Variants in CSMD1 observed in about 807,000 individuals in gnomAD.
CSMD1 encodes CUB and Sushi multiple domains 1.
Under a neutral mutation model 417.5 loss-of-function variants are expected in CSMD1, and 213 were observed. That is an observed-to-expected ratio of 0.51 (90% CI 0.46 to 0.57). CSMD1 has a LOEUF of 0.57. Ranked by LOEUF, CSMD1 falls within the 20% of genes least tolerant of loss-of-function variation. The probability of loss-of-function intolerance (pLI) is 0.00; values close to 1 mark genes in which losing one functional copy is unlikely to be tolerated. For missense variants in CSMD1, 6,923 were observed against 4,529.7 expected (o/e 1.53, Z -15.17); for synonymous variants, 2,862 against 1,736.8 (o/e 1.65, Z -16.11).
intron 28 of CSMD1, among the ~76,000 whole-genome samples, chr8:3,221,578 G>T (rs1199848056): frequency 1.3e-5 from 2 of 151,004 alleles, no homozygotes; most frequent in Non-Finnish European, 2.9e-5. Flanking sequence ...TATCCCATCT[G>T]CTCTCTTTTT....
At chr8:4,659,171 C>A (rs1804425744) in intron 1 of CSMD1, among the ~76,000 whole-genome samples, 1 of 151,786 alleles carries the variant, frequency 6.6e-6, no homozygotes, top group Non-Finnish European at 1.5e-5. Context: ...TTCCTGGAGA[C>A]AAATGAAAAC....
intron 56 of CSMD1, among the ~76,000 whole-genome samples, chr8:2,973,725 G>A (rs1186397427): frequency 6.6e-6 from 1 of 151,874 alleles, no homozygotes; most frequent in Non-Finnish European, 1.5e-5. Flanking sequence ...CAGAGTTGCT[G>A]GTTCGCTGAA....
intron 26 of CSMD1, among the ~76,000 whole-genome samples, chr8:3,230,981 G>C (rs140892399): frequency 5.9e-4 from 90 of 152,230 alleles, no homozygotes; most frequent in African/African-American, 2.0e-3. Flanking sequence ...TCAGTTTCTG[G>C]TAATCATGTG....
intron 3 of CSMD1, among the ~76,000 whole-genome samples, chr8:4,071,413 GT>G (rs1396937503): frequency 7.9e-5 from 12 of 151,874 alleles, no homozygotes; most frequent in African/African-American, 1.7e-4. Flanking sequence ...AAAAATTGTA[GT>G]TTAGATATTT....
intron 30 of CSMD1, among the ~76,000 whole-genome samples, 154 bp downstream of exon 30, chr8:3,214,343 A>G (rs1354681497): frequency 2.0e-5 from 3 of 152,228 alleles, no homozygotes; most frequent in Admixed American, 6.5e-5. Flanking sequence ...TAAATGATCA[A>G]TGAATGACTG....
chr8:4,436,465 C>G (rs575931897), intron 2 of CSMD1, among the ~76,000 whole-genome samples: 13 of 151,616 alleles, frequency 8.6e-5, no homozygotes, highest in Non-Finnish European at 1.8e-4. Context: ...TTCAGAAATG[C>G]AATGCATAAT....
intron 39 of CSMD1, among the ~76,000 whole-genome samples, chr8:3,156,197 CA>C (rs1353168122): frequency 6.6e-6 from 1 of 152,148 alleles, no homozygotes; most frequent in Non-Finnish European, 1.5e-5. Context: ...CCTAAAACAC[CA>C]TTTGGCAGTA....
chr8:4,693,646 T>G (rs754125145), intron 1 of CSMD1, among the ~76,000 whole-genome samples: 3 of 152,186 alleles, frequency 2.0e-5, no homozygotes, highest in African/African-American at 7.2e-5. Context: ...GGGTGATCTT[T>G]CATTTTAGTA....
At chr8:4,134,334 G>A (rs1164965335) in intron 3 of CSMD1, among the ~76,000 whole-genome samples, 1 of 152,130 alleles carries the variant, frequency 6.6e-6, no homozygotes, top group Admixed American at 6.5e-5. Context: ...CATCTTTAAG[G>A]TGGGTCCTCA....
intron 5 of CSMD1, among the ~76,000 whole-genome samples, chr8:3,925,112 A>G (rs1013906440): frequency 1.3e-5 from 2 of 152,168 alleles, no homozygotes; most frequent in African/African-American, 2.4e-5. Context: ...ACCAGTCAGT[A>G]AAGAGAGCCT....
At chr8:3,265,594 A>C (rs1420901493) in intron 26 of CSMD1, among the ~76,000 whole-genome samples, 1 of 152,172 alleles carries the variant, frequency 6.6e-6, no homozygotes, top group East Asian at 1.9e-4. Context: ...CAAAGAAATA[A>C]TCTGTCAGGA....
At chr8:4,049,077 T>C (rs1305614087) in intron 3 of CSMD1, among the ~76,000 whole-genome samples, 1 of 152,206 alleles carries the variant, frequency 6.6e-6, no homozygotes, top group Non-Finnish European at 1.5e-5. Context: ...TGGTTAGGAA[T>C]TGCCTCCATT....
intron 10 of CSMD1, among the ~76,000 whole-genome samples, chr8:3,552,334 T>A (rs1024715459): frequency 2.6e-5 from 4 of 152,200 alleles, no homozygotes; most frequent in African/African-American, 9.6e-5. Flanking sequence ...ATTCTCTTTT[T>A]TTTTGCATAT....
intron 1 of CSMD1, among the ~76,000 whole-genome samples, chr8:4,817,310 C>A (rs769222577): frequency 6.6e-6 from 1 of 152,128 alleles, no homozygotes; most frequent in East Asian, 1.9e-4. Context: ...ATTAAGGTGG[C>A]TATTATTTTC....
intron 7 of CSMD1, among the ~76,000 whole-genome samples, chr8:3,680,599 A>G (rs1187475272): frequency 6.6e-6 from 1 of 152,226 alleles, no homozygotes; most frequent in African/African-American, 2.4e-5. Context: ...GCCGATTTCT[A>G]TCAGACGTAC....
intron 1 of CSMD1, among the ~76,000 whole-genome samples, chr8:4,945,743 G>A (rs145736981): frequency 6.6e-6 from 1 of 152,072 alleles, no homozygotes; most frequent in South Asian, 2.1e-4. Context: ...ACAAGGAGGA[G>A]ATGATGCCAC....
chr8:3,419,894 G>A (rs1813380682), intron 12 of CSMD1, among the ~76,000 whole-genome samples: 1 of 152,144 alleles, frequency 6.6e-6, no homozygotes, highest in Non-Finnish European at 1.5e-5. Context: ...AATAGATCCT[G>A]TTTTAGATGG....
At chr8:3,102,297 G>C (rs570063461) in intron 46 of CSMD1, among the ~76,000 whole-genome samples, 2 of 152,292 alleles carry the variant, frequency 1.3e-5, no homozygotes, top group African/African-American at 4.8e-5. Context: ...CTTATTTCCT[G>C]TTTGTTTTCA....
chr8:4,156,210 T>A (rs1182224007), intron 3 of CSMD1, among the ~76,000 whole-genome samples: 1 of 152,210 alleles, frequency 6.6e-6, no homozygotes, highest in African/African-American at 2.4e-5. Flanking sequence ...CTGGGATCAC[T>A]GTGATATCCT....
Sources: allele counts gnomAD v4.1 joint callset (sites outside exome capture counted in the v4.1 genomes callset), GRCh38; gene constraint gnomAD v4.1.1; transcripts MANE v1.5; gene names NCBI Gene and HGNC (gene_info 2026-07-23, HGNC 2026-07-21).